The following STRBP variants were observed in gnomAD, a reference collection of about 807,000 sequenced individuals.
STRBP encodes spermatid perinuclear RNA binding protein.
STRBP carries 13 observed loss-of-function variants against 80.1 expected under a neutral mutation model. The ratio of observed to expected loss-of-function variants is 0.16; its 90% confidence interval spans 0.11 to 0.26. The LOEUF (loss-of-function observed/expected upper bound fraction) is 0.26. Ranked by LOEUF, STRBP falls within the 10% of genes least tolerant of loss-of-function variation. The probability of loss-of-function intolerance (pLI) is 1.00; values close to 1 mark genes in which losing one functional copy is unlikely to be tolerated. For missense variants in STRBP, 485 were observed against 815.2 expected, an observed-to-expected ratio of 0.59 and a Z score of 4.93; for synonymous variants, 284 against 291.2, an observed-to-expected ratio of 0.98 and a Z score of 0.25.
Position 123,123,633 on chromosome 9 carries a change from T to C in STRBP, c.*1964A>G. 1.0e-6 allele frequency: 1 copy of C among 985,274 alleles called. No individual in the cohort carries two copies. Among genetic ancestry groups the C allele is most frequent in the Non-Finnish European group, 1.2e-6 (1 of 829,912 alleles). 61.0% of individuals were successfully genotyped at this position (985,274 alleles called of 1,614,324 possible). A position where few individuals can be genotyped will look rare whatever the true frequency, so the allele number is the denominator to read the frequency against. On this transcript the variant is annotated 3_prime_UTR_variant, in exon 19 of 19. Coordinates refer to ENST00000348403, the MANE Select transcript of STRBP (RefSeq NM_018387.5). ...TTTCACCATTACAGAGCGCGTGAGTTATGAAGCAGAGTCAGCTACTTCAAA... is the reference window on the plus strand; with the variant it reads ...TTTCACCATTACAGAGCGCGTGAGTCATGAAGCAGAGTCAGCTACTTCAAA...
chr9:123,231,838 C>CTGGA (rs2040406394), intron 2 of STRBP, among the ~76,000 whole-genome samples: 1 of 152,154 alleles, frequency 6.6e-6, no homozygotes, highest in Non-Finnish European at 1.5e-5. Context: ...ATAAACTGGC[C>CTGGA]TGGATCTCCC....
At chr9:123,155,555 A>C (rs1479556520) in intron 11 of STRBP, among the ~76,000 whole-genome samples, 2 of 152,198 alleles carry the variant, frequency 1.3e-5, no homozygotes, top group Non-Finnish European at 2.9e-5. Context: ...AGAAGGGAGA[A>C]CACGAGGAGG....
At chr9:123,141,071 A>C (rs1174291366) in intron 13 of STRBP, among the ~76,000 whole-genome samples, 1 of 152,238 alleles carries the variant, frequency 6.6e-6, no homozygotes, top group Non-Finnish European at 1.5e-5. Flanking sequence ...CTGAGATTTA[A>C]AAGCAACATC....
intron 1 of STRBP, among the ~76,000 whole-genome samples, chr9:123,256,018 C>CTTTTTTTTTTTTTTTTT (rs11338372): frequency 2.8e-5 from 2 of 71,482 alleles, no homozygotes; most frequent in Non-Finnish European, 4.8e-5. Context: ...TCCTTTCTTT[C>CTTTTTTTTTTTTTTTTT]TTTTTTTTTT....
rs145551090 is a variant in STRBP at position 123,124,150 on chromosome 9, A to G, written c.*1447T>C. 33 of 985,464 alleles carry G rather than the reference A, an allele frequency of 3.3e-5. No individual in the cohort carries two copies. In the South Asian group the frequency reaches 1.1e-3, roughly 32 times the overall value. 61.0% of individuals were successfully genotyped at this position (985,464 alleles called of 1,614,324 possible). On this transcript the variant is annotated 3_prime_UTR_variant, in exon 19 of 19. Coordinates refer to ENST00000348403, the MANE Select transcript of STRBP (RefSeq NM_018387.5). ...AAGGAATTTGGTACATACATTTGCC[A>G]TATTTTGTGAAGCCCATTCTCATGG... is the stretch of plus-strand genomic sequence containing the variant.
intron 2 of STRBP, among the ~76,000 whole-genome samples, chr9:123,204,744 C>T (rs567276521): frequency 6.6e-6 from 1 of 150,488 alleles, no homozygotes; most frequent in South Asian, 2.1e-4. Flanking sequence ...AGTAAAACCC[C>T]GTCTCTACTA....
chr9:123,136,119 A>C lies in STRBP; in HGVS notation c.1695T>G (p.Ser565Arg). The C allele has an allele frequency of 6.2e-7, 1 of 1,614,188 alleles. No homozygotes were observed. Among genetic ancestry groups the C allele is most frequent in the Non-Finnish European group, 8.5e-7 (1 of 1,180,024 alleles). Residue 565 changes from serine (S) to arginine (R), a missense_variant, in exon 16 of 19, where the codon AGT (serine) becomes AGG (arginine). Ser to Arg is a moderately radical substitution (Grantham distance 110, BLOSUM62 -1). This residue lies in a region of STRBP where 23 missense variants were observed against 79.0 expected (regional missense o/e 0.29). Coordinates refer to ENST00000348403, the MANE Select transcript of STRBP (RefSeq NM_018387.5). The surrounding 1 kb of genome is among the most constrained non-coding windows in gnomAD (Gnocchi z 4.2). ...AGPNKKVAKA[S>R]AALAALEKLF... ...GTTTCTCCAAGGCAGCTAAAGCTGC[A>C]CTCGCCTTTGCCACTTTCTTATTTG...
chr9:123,123,807 G>A lies in STRBP; in HGVS notation c.*1790C>T. On this transcript the variant is annotated 3_prime_UTR_variant, in exon 19 of 19. Transcript: ENST00000348403. The stretch of plus-strand genomic sequence containing the variant: ...GTAAAGATTTAATTAATAAAAACTG[G>A]ACACTATCAGCCATGCTTTTTCTTC... The A allele has an allele frequency of 1.0e-6, 1 of 985,290 alleles. No individual in the cohort carries two copies. The highest frequency in any genetic ancestry group is 1.2e-6 in the Non-Finnish European group (1 of 829,908). 61.0% of individuals were successfully genotyped at this position (985,290 alleles called of 1,614,324 possible).
Position 123,241,376 on chromosome 9 carries a change from G to A in STRBP, c.-301-4410C>T, listed in dbSNP as rs916410089. Reference sequence around the variant, plus strand: ...TTTTCAATTAGCTGGTTGTGGTGGTGCGCACGCCTACGATCCCAGCTACTC... The same window carrying A: ...TTTTCAATTAGCTGGTTGTGGTGGTACGCACGCCTACGATCCCAGCTACTC... On this transcript the variant is annotated intron_variant, in intron 1 of 18. Transcript: ENST00000348403. 1.6e-4 allele frequency among the ~76,000 whole-genome samples: 24 copies of A among 151,908 alleles called. No individual in the cohort carries two copies. In the East Asian group the frequency reaches 4.1e-3, roughly 26 times the overall value.
At position 123,124,555 on chromosome 9, in the gene STRBP, C is replaced by T. The variant is rs535412257; in HGVS notation, c.*1042G>A. On this transcript the variant is annotated 3_prime_UTR_variant, in exon 19 of 19. Coordinates refer to ENST00000348403, the MANE Select transcript of STRBP (RefSeq NM_018387.5). ...ATCGAAGAGCAAGTTTTTATGGGGACCCTGTTGCTGCTTTAGATTCTGATG... is the reference window on the plus strand; with the variant it reads ...ATCGAAGAGCAAGTTTTTATGGGGATCCTGTTGCTGCTTTAGATTCTGATG... 364 of 985,328 alleles carry T rather than the reference C, an allele frequency of 3.7e-4. 2 individuals carry two copies. The South Asian group carries it at 0.016, about 42-fold the overall frequency. 61.0% of individuals were successfully genotyped at this position (985,328 alleles called of 1,614,324 possible).
At chr9:123,208,065 T>C (rs113640464) in intron 2 of STRBP, among the ~76,000 whole-genome samples, 8 of 152,182 alleles carry the variant, frequency 5.3e-5, no homozygotes, top group African/African-American at 1.7e-4. Flanking sequence ...AAACTAAATA[T>C]TGATATTGAG....
At chr9:123,183,338 A>C (rs927295652) in intron 3 of STRBP, among the ~76,000 whole-genome samples, 7 of 152,104 alleles carry the variant, frequency 4.6e-5, no homozygotes, top group African/African-American at 1.7e-4. Flanking sequence ...CGGGAGGCTA[A>C]GGCAGGGAGA....
At chr9:123,150,953 C>T (rs1459189248) in intron 11 of STRBP, among the ~76,000 whole-genome samples, 2 of 152,202 alleles carry the variant, frequency 1.3e-5, no homozygotes, top group African/African-American at 4.8e-5. Context: ...TTTCATTAGT[C>T]ACCTCCCAGA....
At chr9:123,239,060 A>G (rs1452356271) in intron 1 of STRBP, among the ~76,000 whole-genome samples, 1 of 152,196 alleles carries the variant, frequency 6.6e-6, no homozygotes, top group East Asian at 1.9e-4. Flanking sequence ...ATAAAAATAC[A>G]TAAAATAAAC....
intron 14 of STRBP, 58 bp downstream of exon 14, chr9:123,139,471 C>G: frequency 7.3e-7 from 1 of 1,373,294 alleles, no homozygotes. Flanking sequence ...CCACATCTCT[C>G]AAATTTCCTA....
intron 6 of STRBP, among the ~76,000 whole-genome samples, chr9:123,169,172 C>CA (rs1334809083): frequency 7.3e-6 from 1 of 136,924 alleles, no homozygotes; most frequent in Non-Finnish European, 1.6e-5. Flanking sequence ...GCAAATAATT[C>CA]TTTTTTTTTT....
intron 1 of STRBP, among the ~76,000 whole-genome samples, chr9:123,254,574 C>T (rs993156462): frequency 6.6e-6 from 1 of 151,822 alleles, no homozygotes; most frequent in African/African-American, 2.4e-5. Context: ...TGGAACAAAG[C>T]AGGACTAAAA....
chr9:123,247,108 A>C (rs1163675703), intron 1 of STRBP, among the ~76,000 whole-genome samples: 1 of 151,886 alleles, frequency 6.6e-6, no homozygotes, highest in Non-Finnish European at 1.5e-5. Context: ...CAATGAATTT[A>C]TTATAAAAGG....
chr9:123,135,954 A>G, intron 16 of STRBP, 87 bp downstream of exon 16: 1 of 1,535,586 alleles, frequency 6.5e-7, no homozygotes, highest in Non-Finnish European at 8.8e-7. Flanking sequence ...CTTCAGAAAA[A>G]GCTAAAGTGC....
Sources: gnomAD v4.1 joint callset for allele counts (sites outside exome capture counted in the v4.1 genomes callset) on GRCh38, gnomAD v4.1.1 for gene constraint, gnomAD v4.1.1 regional missense constraint, Gnocchi (gnomAD v3.1) non-coding constraint, MANE v1.5 for transcripts, NCBI Gene and HGNC (gene_info 2026-07-23, HGNC 2026-07-21) for gene names.